The following DLGAP2 variants were observed in gnomAD, a reference collection of about 807,000 sequenced individuals.
DLGAP2 encodes the protein DLG associated protein 2, also known as disks large-associated protein 2.
In DLGAP2, 26 loss-of-function variants were observed where a neutral mutation model predicts 100.3. That is an observed-to-expected ratio of 0.26 (90% confidence interval 0.19 to 0.36). DLGAP2 has a LOEUF of 0.36. Ranked by LOEUF, DLGAP2 falls within the 10% of genes least tolerant of loss-of-function variation. The pLI is 1.00. For missense variants in DLGAP2, 1,858 were observed against 1,453.2 expected (o/e 1.28, Z -4.53); for synonymous variants, 886 against 630.1 (o/e 1.41, Z -6.08).
chr8:831,517 C>T (rs1228033219), intron 1 of DLGAP2, among the ~76,000 whole-genome samples: 1 of 152,138 alleles, frequency 6.6e-6, no homozygotes, highest in African/African-American at 2.4e-5. Context: ...TTTCCAGCTT[C>T]ATCCATGTCC....
chr8:1,259,362 G>T (rs972242011), intron 3 of DLGAP2, among the ~76,000 whole-genome samples: 2 of 152,200 alleles, frequency 1.3e-5, no homozygotes, highest in Non-Finnish European at 2.9e-5. Context: ...CAAGTCTCCT[G>T]TGTTTAAAAC....
At chr8:1,688,903 G>T (rs1799181355) in intron 12 of DLGAP2, among the ~76,000 whole-genome samples, 1 of 152,166 alleles carries the variant, frequency 6.6e-6, no homozygotes, top group African/African-American at 2.4e-5. Context: ...ATTTTCAACT[G>T]GCTCATAGCA....
At chr8:1,036,960 C>T (rs1802144845) in intron 2 of DLGAP2, among the ~76,000 whole-genome samples, 3 of 152,018 alleles carry the variant, frequency 2.0e-5, no homozygotes, top group Admixed American at 2.0e-4. Context: ...TCCTGGTTTC[C>T]TTCTCCTGAT....
In DLGAP2 at chr8:1,232,727, G is replaced by T. The variant is rs138255713; in HGVS notation, c.74-26124G>T. Among the ~76,000 whole-genome samples the T allele has an allele frequency of 1.8e-3, 267 of 152,308 alleles. 2 individuals carry two copies. Among genetic ancestry groups the T allele is most frequent in the African/African-American group, 5.2e-3 (217 of 41,564 alleles). On this transcript the variant is annotated intron_variant, in intron 2 of 14. Transcript: ENST00000637795. ...AGACAAGGTGCATGTTCAGTGACTT[G>T]TCTGAGGCCACTCACTCATTCACAC...
At position 1,670,879 on chromosome 8, in the gene DLGAP2, G is replaced by A. The variant is rs1168772595; in HGVS notation, c.2202+1095G>A. On this transcript the variant is annotated intron_variant, in intron 10 of 14. Transcript: ENST00000637795. ...GTAAAGGGGAGGAAAAGAAGGAATCGAGCAGATGAAAGACGGGTTCCTTCT... is the reference window on the plus strand; with the variant it reads ...GTAAAGGGGAGGAAAAGAAGGAATCAAGCAGATGAAAGACGGGTTCCTTCT... Among the ~76,000 whole-genome samples the A allele has an allele frequency of 3.9e-5, 6 of 152,192 alleles. No individual in the cohort carries two copies. In the South Asian group the frequency reaches 1.2e-3, roughly 32 times the overall value.
intron 2 of DLGAP2, among the ~76,000 whole-genome samples, chr8:1,046,175 A>T (rs1164504863): frequency 6.6e-6 from 1 of 152,208 alleles, no homozygotes; most frequent in East Asian, 1.9e-4. Context: ...CTGAAGGCTA[A>T]TGTGGGTTTA....
intron 3 of DLGAP2, among the ~76,000 whole-genome samples, chr8:1,466,447 G>A (rs762500087): frequency 1.3e-5 from 2 of 151,676 alleles, no homozygotes; most frequent in South Asian, 2.1e-4. Context: ...GTGGAGACAC[G>A]GTGGCTCAAA....
chr8:1,392,834 G>A (rs1343263487), intron 3 of DLGAP2, among the ~76,000 whole-genome samples: 2 of 150,798 alleles, frequency 1.3e-5, no homozygotes, highest in Non-Finnish European at 3.0e-5. Flanking sequence ...CTTTGGCAAA[G>A]TGAATGTATG....
chr8:1,095,939 A>G (rs1051434860), intron 2 of DLGAP2, among the ~76,000 whole-genome samples: 2 of 152,236 alleles, frequency 1.3e-5, no homozygotes, highest in Admixed American at 1.3e-4. Flanking sequence ...ATTTGACACC[A>G]AAACTATCTA....
chr8:1,058,367 G>C (rs1204112145), intron 2 of DLGAP2, among the ~76,000 whole-genome samples: 1 of 152,226 alleles, frequency 6.6e-6, no homozygotes, highest in East Asian at 1.9e-4. Flanking sequence ...CGGGCGACCT[G>C]ACTGCTGCAG....
At chr8:1,670,446 T>C (rs951614887) in intron 10 of DLGAP2, among the ~76,000 whole-genome samples, 1 of 152,210 alleles carries the variant, frequency 6.6e-6, no homozygotes, top group African/African-American at 2.4e-5. Context: ...GCTCAGCCTG[T>C]GCCTTTACCC....
At chr8:848,105 G>C (rs1250223803) in intron 1 of DLGAP2, among the ~76,000 whole-genome samples, 1 of 152,142 alleles carries the variant, frequency 6.6e-6, no homozygotes. Flanking sequence ...TTCTCTGTCT[G>C]TCGTGTTTCC....
intron 4 of DLGAP2, among the ~76,000 whole-genome samples, chr8:1,503,192 T>C (rs1405319647): frequency 2.6e-5 from 4 of 152,184 alleles, no homozygotes; most frequent in South Asian, 2.1e-4. Flanking sequence ...CAGCATTAAA[T>C]GCATTCATGT....
rs4565482 is a variant in DLGAP2, at chr8:1,668,474, G to A, written c.1956G>A (p.Pro652=). ...YQDSRAQRMS[P]WPQDSRGLYN... ...ACAGCCGCGCACAGAGGATGTCCCC[G>A]TGGCCCCAGGACAGCCGCGGCCTCT... The change falls in exon 9 of 15, where the codon CCG becomes CCA. Residue 652 remains proline, a synonymous_variant. Coordinates refer to ENST00000637795, the MANE Select transcript of DLGAP2 (RefSeq NM_001346810.2). The A allele has an allele frequency of 0.19, 303,815 of 1,592,856 alleles. 32,087 individuals carry two copies. The highest frequency in any genetic ancestry group is 0.22 in the Non-Finnish European group (254,476 of 1,170,494).
At chr8:1,444,853 G>A (rs1203728067) in intron 3 of DLGAP2, among the ~76,000 whole-genome samples, 1 of 139,902 alleles carries the variant, frequency 7.1e-6, no homozygotes, top group African/African-American at 2.7e-5. Context: ...GACCTCGGCT[G>A]ACTGCAACCA....
intron 2 of DLGAP2, among the ~76,000 whole-genome samples, chr8:1,240,087 C>G (rs1353491745): frequency 6.6e-6 from 1 of 150,638 alleles, no homozygotes; most frequent in Non-Finnish European, 1.5e-5. Context: ...GGTGCCGTTT[C>G]TAGTTCTCTC....
chr8:1,353,640 C>G (rs1450937180), intron 3 of DLGAP2, among the ~76,000 whole-genome samples: 1 of 151,870 alleles, frequency 6.6e-6, no homozygotes, highest in African/African-American at 2.4e-5. Flanking sequence ...GGTATTTGTA[C>G]TATGATAAAA....
intron 3 of DLGAP2, among the ~76,000 whole-genome samples, chr8:1,259,084 A>G (rs1799289302): frequency 6.6e-6 from 1 of 152,242 alleles, no homozygotes; most frequent in South Asian, 2.1e-4. Flanking sequence ...CTCGTCTCTG[A>G]AGAAGAATTG....
chr8:1,515,004 G>C (rs1271386304), intron 4 of DLGAP2, among the ~76,000 whole-genome samples: 1 of 151,894 alleles, frequency 6.6e-6, no homozygotes, highest in Non-Finnish European at 1.5e-5. Context: ...CGTGGAGGGA[G>C]ACCGACATGG....
Sources: allele counts gnomAD v4.1 joint callset (sites outside exome capture counted in the v4.1 genomes callset), GRCh38; gene constraint gnomAD v4.1.1; transcripts MANE v1.5; gene names NCBI Gene and HGNC (gene_info 2026-07-23, HGNC 2026-07-21).